SHISA9: variants seen among roughly 807,000 people sequenced by gnomAD.
The protein encoded by SHISA9 is protein shisa-9.
Under a neutral mutation model 38.0 loss-of-function variants are expected in SHISA9, and 13 were observed. The ratio of observed to expected loss-of-function variants is 0.34; its 90% confidence interval spans 0.22 to 0.54. The LOEUF (loss-of-function observed/expected upper bound fraction) is 0.54. Among genes scored for constraint, SHISA9 ranks in the 20% least tolerant of loss-of-function variants. The pLI is 0.91. For missense variants in SHISA9, 538 were observed against 575.8 expected, an observed-to-expected ratio of 0.93 and a Z score of 0.67; for synonymous variants, 275 against 242.0, an observed-to-expected ratio of 1.14 and a Z score of -1.27.
intron 2 of SHISA9, among the ~76,000 whole-genome samples, chr16:12,970,406 TATATATATATAC>T (rs1596556368): frequency 9.6e-4 from 8 of 8,330 alleles, no homozygotes; most frequent in Non-Finnish European, 2.0e-3. Flanking sequence ...TATATATACA[TATATATATATAC>T]ACATATATGT....
chr16:12,913,899 C>G (rs1278050031), intron 1 of SHISA9, among the ~76,000 whole-genome samples: 5 of 152,194 alleles, frequency 3.3e-5, no homozygotes, highest in African/African-American at 1.2e-4. Context: ...TCTCGTGTGT[C>G]CATTCATCAG....
the SHISA9 span, among the ~76,000 whole-genome samples, chr16:13,333,117 G>C: frequency 0.019 from 2,863 of 152,276 alleles, 75 homozygotes; most frequent in African/African-American, 0.065. Flanking sequence ...TTCTCTCCAG[G>C]GCAGCTTTTG....
At chr16:13,188,077 T>C (rs2050845700) in intron 2 of SHISA9, among the ~76,000 whole-genome samples, 1 of 152,164 alleles carries the variant, frequency 6.6e-6, no homozygotes, top group African/African-American at 2.4e-5. Flanking sequence ...TTTTTCTCAT[T>C]TGTTATATTG....
At chr16:13,487,298 C>T in the SHISA9 span, among the ~76,000 whole-genome samples, 2 of 152,138 alleles carry the variant, frequency 1.3e-5, no homozygotes, top group Non-Finnish European at 1.5e-5. Context: ...ACCCGAGACT[C>T]GGTAATTTAT....
chr16:13,162,837 AAAAC>A, intron 2 of SHISA9, among the ~76,000 whole-genome samples: 1 of 152,148 alleles, frequency 6.6e-6, no homozygotes, highest in South Asian at 2.1e-4. Flanking sequence ...CATGAAAAAA[AAAAC>A]CGATACAAGA....
the SHISA9 span, among the ~76,000 whole-genome samples, chr16:13,258,976 C>T: frequency 6.6e-6 from 1 of 152,256 alleles, no homozygotes; most frequent in East Asian, 1.9e-4. Context: ...CCAACAGTTC[C>T]CCAACGTCTT....
the SHISA9 span, among the ~76,000 whole-genome samples, chr16:13,257,026 C>G: frequency 1.3e-5 from 2 of 152,220 alleles, no homozygotes; most frequent in Non-Finnish European, 2.9e-5. Flanking sequence ...GTGTTAAGAA[C>G]TCCAACTTTA....
chr16:13,022,010 G>A (rs938821871), intron 2 of SHISA9, among the ~76,000 whole-genome samples: 3 of 152,286 alleles, frequency 2.0e-5, no homozygotes, highest in East Asian at 3.9e-4. Context: ...CTGAGGTCTC[G>A]AGAGAGAATT....
the SHISA9 span, among the ~76,000 whole-genome samples, chr16:13,500,074 T>C: frequency 6.6e-6 from 1 of 152,174 alleles, no homozygotes; most frequent in Non-Finnish European, 1.5e-5. Flanking sequence ...TCTTGAATTG[T>C]AATCCTCAGG....
chr16:12,944,942 C>G (rs2071669547), intron 2 of SHISA9, among the ~76,000 whole-genome samples: 1 of 152,152 alleles, frequency 6.6e-6, no homozygotes, highest in African/African-American at 2.4e-5. Context: ...CCAGTTACAA[C>G]CATGGGCAAC....
At chr16:13,018,410 C>A (rs1339795774) in intron 2 of SHISA9, among the ~76,000 whole-genome samples, 2 of 152,202 alleles carry the variant, frequency 1.3e-5, no homozygotes, top group Admixed American at 1.3e-4. Context: ...CCTTTCTGTT[C>A]TTCTCTCCTA....
At chr16:13,383,371 C>T in the SHISA9 span, among the ~76,000 whole-genome samples, 1 of 152,126 alleles carries the variant, frequency 6.6e-6, no homozygotes, top group African/African-American at 2.4e-5. Context: ...AAGAATGAGG[C>T]AGATCTGATA....
At chr16:13,471,067 T>A in the SHISA9 span, among the ~76,000 whole-genome samples, 2 of 152,002 alleles carry the variant, frequency 1.3e-5, no homozygotes, top group Non-Finnish European at 2.9e-5. Flanking sequence ...TAAAGATCCA[T>A]CTAGAATGCA....
At chr16:12,905,104 T>C (rs1459676979) in intron 1 of SHISA9, among the ~76,000 whole-genome samples, 1 of 152,186 alleles carries the variant, frequency 6.6e-6, no homozygotes, top group Admixed American at 6.5e-5. Context: ...TGCTGAGCAC[T>C]GTGCAGGGAG....
chr16:13,467,386 T>C, the SHISA9 span, among the ~76,000 whole-genome samples: 1 of 152,188 alleles, frequency 6.6e-6, no homozygotes, highest in Non-Finnish European at 1.5e-5. Flanking sequence ...TCTTCAGCTT[T>C]TGAATTCTGA....
the SHISA9 span, among the ~76,000 whole-genome samples, chr16:13,515,040 C>G: frequency 6.6e-6 from 1 of 151,942 alleles, no homozygotes; most frequent in East Asian, 1.9e-4. Flanking sequence ...AGTGGAGTAG[C>G]TTTTTTAAAG....
intron 2 of SHISA9, among the ~76,000 whole-genome samples, chr16:13,046,388 G>T (rs1025336727): frequency 6.6e-6 from 1 of 152,202 alleles, no homozygotes; most frequent in Non-Finnish European, 1.5e-5. Context: ...ATGGCTTGGG[G>T]AGTGTGAAAC....
At chr16:13,039,824 C>T (rs1875384) in intron 2 of SHISA9, among the ~76,000 whole-genome samples, 90,547 of 151,864 alleles carry the variant, frequency 0.6, 28,075 homozygotes, top group Middle Eastern at 0.74. Flanking sequence ...CACTCAGACC[C>T]GGCTTCAGAC....
Position 13,235,150 on chromosome 16 carries a change from A to G in SHISA9, c.1016A>G (p.Glu339Gly). Residue 339 changes from glutamate (E) to glycine (G), a missense_variant, in exon 5 of 5, where the codon GAG becomes GGG. This residue lies in a region of SHISA9 where 326 missense variants were observed against 305.9 expected (regional missense o/e 1.07). Transcript: ENST00000558583. ...VEDEPRAFSP[E>G]HGPAKQNGQK... ...GACGAGCCCCGGGCCTTCAGCCCTGAGCACGGTCCTGCCAAGCAGAATGGA... is the reference window on the plus strand; with the variant it reads ...GACGAGCCCCGGGCCTTCAGCCCTGGGCACGGTCCTGCCAAGCAGAATGGA... The G allele has an allele frequency of 1.3e-6, 2 of 1,551,740 alleles. No homozygotes were observed. The highest frequency in any genetic ancestry group is 1.2e-5 in the South Asian group (1 of 84,058).
Sources: allele counts gnomAD v4.1 joint callset (sites outside exome capture counted in the v4.1 genomes callset), GRCh38; gene constraint gnomAD v4.1.1; regional missense constraint gnomAD v4.1.1; transcripts MANE v1.5; gene names NCBI Gene and HGNC (gene_info 2026-07-23, HGNC 2026-07-21).